Variants in NID1 observed in about 807,000 individuals in gnomAD.
NID1 encodes the protein nidogen 1.
In NID1, 76 loss-of-function variants were observed where a neutral mutation model predicts 130.6. The observed-to-expected ratio is 0.58, with a 90% CI of 0.48 to 0.70. NID1 has a LOEUF of 0.70. NID1 is among the 30% of genes least tolerant of loss of function. NID1 has a pLI of 0.00. For synonymous variants in NID1, 665 were observed against 675.1 expected, an observed-to-expected ratio of 0.98 and a Z score of 0.23; for missense variants, 1,517 against 1,664.8, an observed-to-expected ratio of 0.91 and a Z score of 1.54.
intron 6 of NID1, among the ~76,000 whole-genome samples, chr1:236,030,831 T>G (rs546019415): frequency 3.6e-4 from 55 of 152,230 alleles, no homozygotes; most frequent in Non-Finnish European, 7.3e-4. Context: ...TTGCAAAGAC[T>G]TCCTCTCCCT....
intron 3 of NID1, 122 bp downstream of exon 3, chr1:236,045,335 A>G (rs1334359468): frequency 1.5e-6 from 1 of 665,366 alleles, no homozygotes; most frequent in East Asian, 2.7e-5. Context: ...CATAATATAA[A>G]AACTATATGC....
chr1:236,012,558 C>CAAAAAAAAAAAA (rs56183830), intron 11 of NID1, among the ~76,000 whole-genome samples: 6 of 98,056 alleles, frequency 6.1e-5, no homozygotes, highest in Non-Finnish European at 8.2e-5. Context: ...AATGCCATCT[C>CAAAAAAAAAAAA]AAAAAAAAAA....
At position 236,017,284 on chromosome 1, in the gene NID1, A is replaced by AT; in HGVS notation, c.2129-12_2129-11insA. On this transcript the variant is annotated splice_polypyrimidine_tract_variant and intron_variant, in intron 9 of 19. Coordinates refer to ENST00000264187, the MANE Select transcript of NID1 (RefSeq NM_002508.3). ...AACATTCATCAATATCTGCAGCAAA[A>AT]ATTTTTTTTTACTGCAGGCTTTTTT... 2 of 1,612,522 alleles carry AT rather than the reference A, an allele frequency of 1.2e-6. No individual in the cohort carries two copies. Among genetic ancestry groups the AT allele is most frequent in the African/African-American group, 1.3e-5 (1 of 74,714 alleles).
rs547107339 is a variant in NID1 at position 236,011,820 on chromosome 1, G to A, written c.2527+101C>T. 124 of 1,434,884 alleles carry A rather than the reference G, an allele frequency of 8.6e-5. 3 individuals are homozygous for A. The South Asian group carries it at 1.3e-3, about 14-fold the overall frequency. The allele number at this position is 1,434,884 out of a possible 1,614,324, so 88.9% of individuals were successfully genotyped here. On this transcript the variant is annotated intron_variant, in intron 12 of 19. Coordinates refer to ENST00000264187, the MANE Select transcript of NID1 (RefSeq NM_002508.3). ...GCTCTGGATTCATGGACAGGGCAAC[G>A]GGCCATGTGCTCTGGATTCATGGAC...
rs1558428625 is a variant in NID1 at position 236,003,107 on chromosome 1, G to GTGAACGAGTA, written c.2527+8813_2527+8814insTACTCGTTCA. Among the ~76,000 whole-genome samples, 128 of 128,072 alleles carry GTGAACGAGTA rather than the reference G, an allele frequency of 1.0e-3. 6 individuals are homozygous for GTGAACGAGTA. Among genetic ancestry groups the GTGAACGAGTA allele is most frequent in the African/African-American group, 1.8e-3 (59 of 31,972 alleles). 84.0% of individuals were successfully genotyped at this position (128,072 alleles called of 152,430 possible). ...TAGTTGTCACTCCTAGTGAACGACTGGTAGTTGTCACTCCTAGTGAACGAC... is the reference window on the plus strand; with the variant it reads ...TAGTTGTCACTCCTAGTGAACGACTGTGAACGAGTAGTAGTTGTCACTCCTAGTGAACGAC... On this transcript the variant is annotated intron_variant, in intron 12 of 19. Coordinates refer to ENST00000264187, the MANE Select transcript of NID1 (RefSeq NM_002508.3).
chr1:235,991,486 C>A (rs539100949), intron 13 of NID1, among the ~76,000 whole-genome samples: 1 of 152,256 alleles, frequency 6.6e-6, no homozygotes, highest in South Asian at 2.1e-4. Flanking sequence ...GCATGCACCA[C>A]CATACCCAGT....
Position 236,042,035 on chromosome 1 carries a change from G to T in NID1, c.1010C>A (p.Ala337Glu), listed in dbSNP as rs769321300. The T allele has an allele frequency of 3.7e-6, 6 of 1,614,064 alleles. No homozygotes were observed. Among genetic ancestry groups the T allele is most frequent in the Non-Finnish European group, 5.1e-6 (6 of 1,180,034 alleles). Reference sequence around the variant, plus strand: ...AGGTCCAAGGGGCCTTTCGGTAGCTGCCCGGCGCGGGGAGAGGACGCTGGG... The same window carrying T: ...AGGTCCAAGGGGCCTTTCGGTAGCTTCCCGGCGCGGGGAGAGGACGCTGGG... ...SVPSVLSPRR[A>E]ATERPLGPPT... Residue 337 changes from alanine (A) to glutamate (E), a missense_variant, in exon 4 of 20, where the codon GCA becomes GAA. Physicochemically the swap from Ala to Glu is moderately radical, Grantham distance 107. Transcript: ENST00000264187.
chr1:235,977,735 T>C lies in NID1; in HGVS notation c.*132A>G, dbSNP rs1010802659. ...TTGGGGAACAGTGAGGGAAAAGTTG[T>C]TGGGGCTCAGGCTGGGCTGGGTCTG... On this transcript the variant is annotated 3_prime_UTR_variant, in exon 20 of 20. Coordinates refer to ENST00000264187, the MANE Select transcript of NID1 (RefSeq NM_002508.3). The C allele has an allele frequency of 9.9e-7, 1 of 1,012,964 alleles. No individual in the cohort carries two copies. Among genetic ancestry groups the C allele is most frequent in the African/African-American group, 1.6e-5 (1 of 61,834 alleles). The allele number at this position is 1,012,964 out of a possible 1,614,324, so 62.7% of individuals were successfully genotyped here. A position where few individuals can be genotyped will look rare whatever the true frequency, so the allele number is the denominator to read the frequency against.
chr1:236,034,115 T>G (rs1311523452), intron 5 of NID1, among the ~76,000 whole-genome samples: 1 of 152,138 alleles, frequency 6.6e-6, no homozygotes, highest in Non-Finnish European at 1.5e-5. Flanking sequence ...CATTAAGATA[T>G]TATTTAACTA....
chr1:236,017,402 C>A, intron 9 of NID1, 129 bp from the exon 10 acceptor site: 1 of 990,936 alleles, frequency 1.0e-6, no homozygotes. Flanking sequence ...TTTTTTTTTC[C>A]GAGATGGAGT....
At chr1:235,983,139 G>A (rs879507127) in intron 15 of NID1, among the ~76,000 whole-genome samples, 3 of 152,200 alleles carry the variant, frequency 2.0e-5, no homozygotes, top group Admixed American at 6.5e-5. Context: ...CTCCCAAAGT[G>A]TTGGGATTAC....
At chr1:236,064,744 G>T in intron 1 of NID1, 111 bp downstream of exon 1, 1 of 961,232 alleles carries the variant, frequency 1.0e-6, no homozygotes, top group Non-Finnish European at 1.5e-6. Flanking sequence ...TGCCCCGGCG[G>T]CCAGCGGGTC....
intron 1 of NID1, among the ~76,000 whole-genome samples, chr1:236,061,588 C>A (rs1335111300): frequency 6.6e-6 from 1 of 152,066 alleles, no homozygotes; most frequent in Non-Finnish European, 1.5e-5. Flanking sequence ...GCCTCAGCCT[C>A]CTGAGTAGCT....
chr1:235,980,541 G>A lies in NID1; in HGVS notation c.3340C>T (p.Leu1114=), dbSNP rs766530191. 1 of 1,614,216 alleles carries A rather than the reference G, an allele frequency of 6.2e-7. No individual in the cohort carries two copies. The highest frequency in any genetic ancestry group is 8.5e-7 in the Non-Finnish European group (1 of 1,180,042). Residue 1114 remains leucine, a synonymous_variant, in exon 17 of 20, where the codon CTG becomes TTG. Transcript: ENST00000264187. ...VQDDLGLPNG[L]TFDAFSSQLC... is the part of the protein sequence containing the mutation. ...TGAGATGAGAACGCATCGAAGGTCAGTCCATTGGGCAAGCCCAGGTCATCC... is the reference window on the plus strand; with the variant it reads ...TGAGATGAGAACGCATCGAAGGTCAATCCATTGGGCAAGCCCAGGTCATCC...
chr1:235,994,014 C>G, intron 12 of NID1, 142 bp from the exon 13 acceptor site: 2 of 665,290 alleles, frequency 3.0e-6, no homozygotes, highest in Non-Finnish European at 5.1e-6. Context: ...ATCAGTTATT[C>G]AAAATGCAGA....
In NID1 at chr1:236,048,192, G is replaced by T. The variant is rs555292151; in HGVS notation, c.525+498C>A. Among the ~76,000 whole-genome samples, 10 of 150,440 alleles carry T rather than the reference G, an allele frequency of 6.6e-5. No homozygotes were observed. The South Asian group carries it at 2.1e-3, about 32-fold the overall frequency. ...ACTAAAAATACAAAAAAAACCAGCC[G>T]GGCGTGGTGGTGGTCGCCTGTAGTC... is the stretch of plus-strand genomic sequence containing the variant. On this transcript the variant is annotated intron_variant, in intron 2 of 19. Transcript: ENST00000264187.
chr1:236,041,571 A>G (rs1472262095), intron 4 of NID1, among the ~76,000 whole-genome samples: 2 of 152,210 alleles, frequency 1.3e-5, no homozygotes, highest in East Asian at 3.9e-4. Flanking sequence ...TACATTTCTG[A>G]TCTGAGAAAT....
chr1:235,999,201 G>A (rs1257564391), intron 12 of NID1, among the ~76,000 whole-genome samples: 1 of 152,258 alleles, frequency 6.6e-6, no homozygotes, highest in Non-Finnish European at 1.5e-5. Context: ...GGTGTCCTGT[G>A]TGCTGTCAAC....
chr1:236,043,099 GC>G (rs971901247), intron 3 of NID1, among the ~76,000 whole-genome samples: 2 of 152,292 alleles, frequency 1.3e-5, no homozygotes, highest in East Asian at 3.9e-4. Flanking sequence ...TAGAAACCCT[GC>G]CCCCTTACCC....
Sources: gnomAD v4.1 joint callset for allele counts (sites outside exome capture counted in the v4.1 genomes callset) on GRCh38, gnomAD v4.1.1 for gene constraint, MANE v1.5 for transcripts, NCBI Gene and HGNC (gene_info 2026-07-23, HGNC 2026-07-21) for gene names.